The following PXDNL variants were observed in gnomAD, a reference collection of about 807,000 sequenced individuals.
PXDNL encodes the protein probable oxidoreductase PXDNL.
In PXDNL, 145 loss-of-function variants were observed where a neutral mutation model predicts 150.8. The observed-to-expected ratio is 0.96, with a 90% CI of 0.84 to 1.10. The LOEUF is 1.10. Ranked by LOEUF, PXDNL falls within the 50% of genes least tolerant of loss-of-function variation. PXDNL has a pLI of 0.00. For missense variants in PXDNL, 2,087 were observed against 1,873.9 expected (o/e 1.11, Z -2.10); for synonymous variants, 757 against 725.7 (o/e 1.04, Z -0.69).
At chr8:51,436,004 C>G (rs981571908) in intron 12 of PXDNL, 1 of 526,572 alleles carries the variant, frequency 1.9e-6, no homozygotes, top group African/African-American at 1.9e-5. Context: ...CTTTCAAATT[C>G]ACCTCATGGA....
intron 1 of PXDNL, among the ~76,000 whole-genome samples, chr8:51,712,848 G>C (rs1003719109): frequency 6.6e-6 from 1 of 151,996 alleles, no homozygotes; most frequent in African/African-American, 2.4e-5. Flanking sequence ...ATGATTAATG[G>C]GTAAGAAAAA....
chr8:51,574,464 C>A, intron 3 of PXDNL, among the ~76,000 whole-genome samples: 1 of 150,168 alleles, frequency 6.7e-6, no homozygotes, highest in East Asian at 2.0e-4. Context: ...TCAACACAGT[C>A]CTAGGAAGAG....
intron 21 of PXDNL, among the ~76,000 whole-genome samples, chr8:51,333,599 G>A (rs1311835564): frequency 2.6e-5 from 4 of 152,092 alleles, no homozygotes; most frequent in African/African-American, 7.2e-5. Flanking sequence ...CTGCCTTCAG[G>A]AGACTCACCT....
At chr8:51,723,010 T>C (rs1370547757) in intron 1 of PXDNL, among the ~76,000 whole-genome samples, 1 of 151,926 alleles carries the variant, frequency 6.6e-6, no homozygotes, top group Non-Finnish European at 1.5e-5. Flanking sequence ...ACAGCTGAGA[T>C]TAGGTGCTGT....
At chr8:51,341,066 A>T (rs1237388498) in intron 20 of PXDNL, among the ~76,000 whole-genome samples, 1 of 152,202 alleles carries the variant, frequency 6.6e-6, no homozygotes, top group East Asian at 1.9e-4. Context: ...TCACAATTTA[A>T]CAAATATGTG....
rs1405341666 is a variant in PXDNL at position 51,421,728 on chromosome 8, C to T, written c.1795+1847G>A. 2.0e-5 allele frequency among the ~76,000 whole-genome samples: 3 copies of T among 152,130 alleles called. No individual in the cohort carries two copies. The East Asian group carries it at 5.8e-4, about 29-fold the overall frequency. On this transcript the variant is annotated intron_variant, in intron 14 of 22. Transcript: ENST00000356297. ...AAAATAAAAAGCAATTTTAAACAACCTCTGACATTATTAGGACAAATATTT... is the reference window on the plus strand; with the variant it reads ...AAAATAAAAAGCAATTTTAAACAACTTCTGACATTATTAGGACAAATATTT...
intron 8 of PXDNL, among the ~76,000 whole-genome samples, chr8:51,458,839 G>A (rs888356888): frequency 3.4e-4 from 51 of 152,160 alleles, no homozygotes; most frequent in African/African-American, 1.2e-3. Flanking sequence ...AACAGACAAT[G>A]GCCATATTTG....
chr8:51,804,703 C>T (rs550370631), intron 1 of PXDNL, among the ~76,000 whole-genome samples: 1 of 152,226 alleles, frequency 6.6e-6, no homozygotes, highest in East Asian at 1.9e-4. Context: ...ATAGAATCTA[C>T]AGTAGGGTTG....
intron 2 of PXDNL, among the ~76,000 whole-genome samples, chr8:51,648,714 A>G (rs1473078679): frequency 1.3e-5 from 2 of 152,174 alleles, no homozygotes; most frequent in East Asian, 1.9e-4. Context: ...TCATTACATT[A>G]ATTATATGCG....
At chr8:51,628,998 T>C (rs1814429435) in intron 2 of PXDNL, among the ~76,000 whole-genome samples, 1 of 152,106 alleles carries the variant, frequency 6.6e-6, no homozygotes, top group Non-Finnish European at 1.5e-5. Flanking sequence ...GCAAGAAAGT[T>C]TGTCCAGTTT....
rs1399865580 is a variant in PXDNL, at chr8:51,423,176, T to C, written c.1795+399A>G. On this transcript the variant is annotated intron_variant, in intron 14 of 22. Coordinates refer to ENST00000356297, the MANE Select transcript of PXDNL (RefSeq NM_144651.5). ...AAGTTTACTTGGGAGTTTGATGGAT[T>C]GATTTCTAATTTTAAACTGGGATTA... 2.6e-5 allele frequency among the ~76,000 whole-genome samples: 4 copies of C among 152,168 alleles called. No individual in the cohort carries two copies. The East Asian group carries it at 7.7e-4, about 29-fold the overall frequency.
intron 4 of PXDNL, among the ~76,000 whole-genome samples, chr8:51,516,677 C>G (rs942043041): frequency 2.0e-5 from 3 of 152,182 alleles, no homozygotes; most frequent in Non-Finnish European, 4.4e-5. Context: ...AATGATATAA[C>G]TTGCCTCAAG....
chr8:51,770,500 G>T (rs541662418), intron 1 of PXDNL, among the ~76,000 whole-genome samples: 1 of 152,314 alleles, frequency 6.6e-6, no homozygotes, highest in Middle Eastern at 3.4e-3. Flanking sequence ...GCTTGTTACA[G>T]AATGTAACTA....
intron 2 of PXDNL, among the ~76,000 whole-genome samples, chr8:51,624,459 T>C (rs1191417024): frequency 6.6e-6 from 1 of 152,194 alleles, no homozygotes; most frequent in African/African-American, 2.4e-5. Flanking sequence ...CATAGTATTC[T>C]TACTGCAGTC....
At chr8:51,367,125 AAAAAT>A (rs1806947358) in intron 19 of PXDNL, among the ~76,000 whole-genome samples, 1 of 150,466 alleles carries the variant, frequency 6.6e-6, no homozygotes, top group African/African-American at 2.5e-5. Flanking sequence ...AAAAAAAAAA[AAAAAT>A]TCATATAAAA....
chr8:51,339,949 TG>T (rs1422736231), intron 20 of PXDNL, 196 bp from the exon 21 acceptor site: 1 of 477,544 alleles, frequency 2.1e-6, no homozygotes, highest in African/African-American at 2.0e-5. Flanking sequence ...TAATCCAGAG[TG>T]TCACATCTGG....
intron 1 of PXDNL, among the ~76,000 whole-genome samples, chr8:51,709,701 T>C (rs1015439463): frequency 1.3e-4 from 20 of 152,326 alleles, no homozygotes; most frequent in African/African-American, 4.8e-4. Context: ...TACATGAACA[T>C]GGTGAGATTT....
chr8:51,646,868 G>A (rs1814931011), intron 2 of PXDNL, among the ~76,000 whole-genome samples: 1 of 152,126 alleles, frequency 6.6e-6, no homozygotes, highest in Non-Finnish European at 1.5e-5. Flanking sequence ...GGAGAGAAAG[G>A]AAATGATCCA....
At chr8:51,443,687 A>G (rs953848133) in intron 12 of PXDNL, among the ~76,000 whole-genome samples, 1 of 152,246 alleles carries the variant, frequency 6.6e-6, no homozygotes, top group Admixed American at 6.5e-5. Flanking sequence ...GTAGAGTAGC[A>G]TTGTTTTACA....
Sources: gnomAD v4.1 joint callset for allele counts (sites outside exome capture counted in the v4.1 genomes callset) on GRCh38, gnomAD v4.1.1 for gene constraint, MANE v1.5 for transcripts, NCBI Gene and HGNC (gene_info 2026-07-23, HGNC 2026-07-21) for gene names.